THTPA: variants seen among roughly 807,000 people sequenced by gnomAD.
THTPA encodes the protein thiamine-triphosphatase.
THTPA carries 16 observed loss-of-function variants against 16.5 expected under a neutral mutation model. That is an observed-to-expected ratio of 0.97 (90% CI 0.66 to 1.47). The LOEUF is 1.47. Ranked by LOEUF, THTPA falls within the 40% of genes most tolerant of loss-of-function variation. The pLI is 0.00. For missense variants in THTPA, 281 were observed against 280.9 expected (o/e 1.00, Z 0.00); for synonymous variants, 110 against 115.5 (o/e 0.95, Z 0.30).
the THTPA span, among the ~76,000 whole-genome samples, chr14:23,527,427 C>T: frequency 6.6e-6 from 1 of 152,228 alleles, no homozygotes; most frequent in African/African-American, 2.4e-5. Context: ...TTCCTCCCCT[C>T]CTGGATGGCC....
chr14:23,538,309 A>C, the THTPA span, among the ~76,000 whole-genome samples: 4 of 151,484 alleles, frequency 2.6e-5, no homozygotes, highest in Non-Finnish European at 5.9e-5. Flanking sequence ...GCCTCAGTAC[A>C]TCCTCCCCCA....
the THTPA span, chr14:23,526,049 C>T: frequency 2.0e-6 from 3 of 1,536,498 alleles, no homozygotes; most frequent in South Asian, 1.2e-5. Flanking sequence ...CTCTGTCTCG[C>T]CTTCCTTGGG....
chr14:23,531,330 T>A, the THTPA span: 1 of 1,187,120 alleles, frequency 8.4e-7, no homozygotes. Flanking sequence ...GCTCATTCTG[T>A]CTTATCCCTT....
chr14:23,520,377 C>A, the THTPA span, among the ~76,000 whole-genome samples: 1 of 139,282 alleles, frequency 7.2e-6, no homozygotes, highest in Non-Finnish European at 1.6e-5. This position sits in a 1 kb window ranked among gnomAD's most constrained non-coding sequence, Gnocchi z 8.7. Flanking sequence ...ACAAGGGACC[C>A]AGCAAAGGTG....
chr14:23,550,005 G>C, the THTPA span, among the ~76,000 whole-genome samples: 1 of 152,194 alleles, frequency 6.6e-6, no homozygotes, highest in African/African-American at 2.4e-5. Context: ...TGGAAAAAAG[G>C]GGTGAAGCAA....
chr14:23,558,703 G>A lies in THTPA; in HGVS notation c.556G>A (p.Ala186Thr). 1 of 1,614,218 alleles carries A rather than the reference G, an allele frequency of 6.2e-7. No homozygotes were observed. The highest frequency in any genetic ancestry group is 8.5e-7 in the Non-Finnish European group (1 of 1,180,052). ...HRLSSMLGVP[A>T]QETAPAKLIV... ...TGTCCTTTTACCTGTAGGTGTGCCT[G>A]CACAGGAGACAGCACCAGCCAAGCT... is the stretch of plus-strand genomic sequence containing the variant. The change falls in exon 2 of 2, where the codon GCA (alanine) becomes ACA (threonine). Residue 186 changes from alanine (A) to threonine (T), a missense_variant. Coordinates refer to ENST00000288014, the MANE Select transcript of THTPA (RefSeq NM_024328.6).
the THTPA span, chr14:23,534,826 G>A: frequency 5.2e-6 from 8 of 1,536,068 alleles, no homozygotes; most frequent in East Asian, 2.0e-4. This position sits in a 1 kb window ranked among gnomAD's most constrained non-coding sequence, Gnocchi z 4.5. Context: ...GTGAAGGGCA[G>A]TGAGGTGTGA....
chr14:23,520,924 T>C, the THTPA span: 2 of 152,066 alleles, frequency 1.3e-5, no homozygotes, highest in South Asian at 2.1e-4. This position sits in a 1 kb window ranked among gnomAD's most constrained non-coding sequence, Gnocchi z 8.7. Flanking sequence ...TTTAGTTCAT[T>C]CCTCTGGTGT....
chr14:23,533,730 G>T, the THTPA span: 3 of 1,553,172 alleles, frequency 1.9e-6, no homozygotes, highest in Admixed American at 1.9e-5. The surrounding 1 kb of genome is among the most constrained non-coding windows in gnomAD (Gnocchi z 4.8). Flanking sequence ...GGTTGGCCAG[G>T]TGCTTGTCAG....
Position 23,557,236 on chromosome 14 carries a change from C to A in THTPA, c.479C>A (p.Ala160Asp). 1.2e-6 allele frequency: 2 copies of A among 1,612,974 alleles called. No homozygotes were observed. The highest frequency in any genetic ancestry group is 8.5e-7 in the Non-Finnish European group (1 of 1,179,928). The change falls in exon 1 of 2, where the codon GCC (alanine) becomes GAC (aspartate). Residue 160 changes from alanine to aspartate, a missense_variant. By Grantham distance (126) the Ala-to-Asp change is moderately radical. Transcript: ENST00000288014. The stretch of plus-strand genomic sequence containing the variant: ...GGCTACGCTGTGGGTGAGGTAGAGG[C>A]CCTGGTGCATGAGGAGGCTGAAGTA... ...DFGYAVGEVE[A>D]LVHEEAEVPT...
chr14:23,524,727 G>T, the THTPA span: 1 of 1,536,228 alleles, frequency 6.5e-7, no homozygotes, highest in Admixed American at 2.0e-5. This position sits in a 1 kb window ranked among gnomAD's most constrained non-coding sequence, Gnocchi z 5.6. Context: ...TCCCCATCTG[G>T]AGGCTCTGGT....
the THTPA span, chr14:23,524,159 G>C: frequency 1.3e-6 from 2 of 1,536,024 alleles, no homozygotes; most frequent in African/African-American, 1.4e-5. The surrounding 1 kb of genome is among the most constrained non-coding windows in gnomAD (Gnocchi z 5.6). Flanking sequence ...CGGTTTCACT[G>C]CTGGACTAGG....
upstream of THTPA, among the ~76,000 whole-genome samples, chr14:23,553,666 G>A (rs564368792): frequency 1.7e-3 from 256 of 151,940 alleles, no homozygotes; most frequent in Middle Eastern, 3.4e-3. Flanking sequence ...AGGTGGAGGC[G>A]GGTGGATCAC....
the THTPA span, among the ~76,000 whole-genome samples, chr14:23,538,898 A>G: frequency 6.6e-6 from 1 of 152,176 alleles, no homozygotes; most frequent in Non-Finnish European, 1.5e-5. Context: ...GGGGCGCCAC[A>G]GACGGCAGAA....
rs1026005034 is a variant in THTPA, at chr14:23,559,088, C to G, written c.*248C>G. On this transcript the variant is annotated 3_prime_UTR_variant, in exon 2 of 2. Coordinates refer to ENST00000288014, the MANE Select transcript of THTPA (RefSeq NM_024328.6). ...GCCGCTAAGCAGCCTCCATTGATTT[C>G]CGCTCGTGTTTATAGGATTTCCACT... 36 of 510,524 alleles carry G rather than the reference C, an allele frequency of 7.1e-5. No individual in the cohort carries two copies. The highest frequency in any genetic ancestry group is 1.2e-4 in the Non-Finnish European group (34 of 284,460). The allele number at this position is 510,524 out of a possible 1,614,324, so 31.6% of individuals were successfully genotyped here.
the THTPA span, among the ~76,000 whole-genome samples, chr14:23,546,976 C>T: frequency 6.6e-6 from 1 of 152,220 alleles, no homozygotes; most frequent in Non-Finnish European, 1.5e-5. This position sits in a 1 kb window ranked among gnomAD's most constrained non-coding sequence, Gnocchi z 4.7. Context: ...TTGTAGATTT[C>T]TCAACCCATT....
chr14:23,522,665 G>A, the THTPA span: 1 of 1,536,534 alleles, frequency 6.5e-7, no homozygotes, highest in Non-Finnish European at 8.7e-7. Context: ...CCCCAACAGG[G>A]CTGGGACAGT....
the THTPA span, chr14:23,532,619 A>G: frequency 2.1e-6 from 3 of 1,460,352 alleles, no homozygotes; most frequent in Non-Finnish European, 2.7e-6. Flanking sequence ...ATGCAGCTGC[A>G]TCTTCTCCTT....
At chr14:23,546,504 G>A in the THTPA span, among the ~76,000 whole-genome samples, 1 of 152,168 alleles carries the variant, frequency 6.6e-6, no homozygotes, top group African/African-American at 2.4e-5. The surrounding 1 kb of genome is among the most constrained non-coding windows in gnomAD (Gnocchi z 4.7). Flanking sequence ...TGCACATGAG[G>A]ACCCTGGTCT....
Sources: gnomAD v4.1 joint callset for allele counts (sites outside exome capture counted in the v4.1 genomes callset) on GRCh38, gnomAD v4.1.1 for gene constraint, Gnocchi (gnomAD v3.1) non-coding constraint, MANE v1.5 for transcripts, NCBI Gene and HGNC (gene_info 2026-07-23, HGNC 2026-07-21) for gene names.